Variants in SASS6 observed in about 807,000 individuals in gnomAD.
The protein encoded by SASS6 is spindle assembly abnormal protein 6 homolog.
A neutral mutation model predicts 94.9 loss-of-function variants in SASS6; 59 were observed. That is an observed-to-expected ratio of 0.62 (90% confidence interval 0.50 to 0.77). The LOEUF is 0.77. SASS6 is among the 30% of genes least tolerant of loss of function. SASS6 has a pLI of 0.00. For missense variants in SASS6, 698 were observed against 734.1 expected (o/e 0.95, Z 0.57); for synonymous variants, 264 against 270.0 (o/e 0.98, Z 0.22).
intron 7 of SASS6, among the ~76,000 whole-genome samples, chr1:100,113,985 A>C (rs1399704602): frequency 6.6e-6 from 1 of 151,950 alleles, no homozygotes; most frequent in Non-Finnish European, 1.5e-5. Flanking sequence ...ACATAGCAAC[A>C]CCTCATCTTC....
chr1:100,091,306 A>T (rs917737368), intron 14 of SASS6, among the ~76,000 whole-genome samples: 1 of 152,122 alleles, frequency 6.6e-6, no homozygotes, highest in Non-Finnish European at 1.5e-5. Flanking sequence ...AAAAAAATTG[A>T]ACTGACTTAA....
chr1:100,108,881 T>G (rs912477237), intron 8 of SASS6, among the ~76,000 whole-genome samples: 5 of 152,054 alleles, frequency 3.3e-5, no homozygotes, highest in South Asian at 2.1e-4. Context: ...GCATTTTGGC[T>G]GGCACACAGT....
intron 13 of SASS6, 74 bp from the exon 14 acceptor site, chr1:100,103,157 T>C (rs1652627529): frequency 1.1e-6 from 1 of 909,796 alleles, no homozygotes; most frequent in East Asian, 2.7e-5. Flanking sequence ...CAGGTGGCAT[T>C]AGCATCTGTT....
chr1:100,119,725 C>T (rs1187855763), intron 6 of SASS6, among the ~76,000 whole-genome samples: 2 of 152,120 alleles, frequency 1.3e-5, no homozygotes, highest in African/African-American at 4.8e-5. Context: ...GTGGTACCTC[C>T]TTCCTCCCAC....
intron 14 of SASS6, among the ~76,000 whole-genome samples, chr1:100,095,397 G>A (rs1343124116): frequency 1.3e-5 from 2 of 152,130 alleles, no homozygotes; most frequent in Non-Finnish European, 2.9e-5. Context: ...TGGGGGTATG[G>A]TGGCATGCAC....
At chr1:100,109,375 T>A (rs1353560628) in intron 8 of SASS6, among the ~76,000 whole-genome samples, 1 of 152,056 alleles carries the variant, frequency 6.6e-6, no homozygotes, top group East Asian at 1.9e-4. Flanking sequence ...AATCTACATA[T>A]ATTTTCTAAT....
chr1:100,106,001 T>C (rs1441593600), intron 12 of SASS6, 98 bp from the exon 13 acceptor site: 29 of 851,214 alleles, frequency 3.4e-5, no homozygotes, highest in African/African-American at 5.3e-5. Flanking sequence ...TTTTAAATTA[T>C]AAGTTTTTAC....
Position 100,110,391 on chromosome 1 carries a change from C to G in SASS6, c.762G>C (p.Leu254=), listed in dbSNP as rs755561574. 6 of 1,608,890 alleles carry G rather than the reference C, an allele frequency of 3.7e-6. No homozygotes were observed. Among genetic ancestry groups the G allele is most frequent in the Admixed American group, 1.7e-5 (1 of 59,772 alleles). ...CTTTATTAGCCGCTTCTAACTCAGA[C>G]AGTCTGTTTTGTAGCTGGTGGATGT... ...QQNIHQLQNR[L]SELEAANKDL... The change falls in exon 8 of 17, where the codon CTG becomes CTC. Residue 254 remains leucine, a synonymous_variant. Coordinates refer to ENST00000287482, the MANE Select transcript of SASS6 (RefSeq NM_194292.3).
In SASS6 at chr1:100,124,780, G is replaced by A. The variant is rs186515499; in HGVS notation, c.126+1102C>T. ...GACATTTTTCCAAGAATTAGGGAGT[G>A]AAGGATGGTTTCAGGATGAAACTTC... On this transcript the variant is annotated intron_variant, in intron 2 of 16. Transcript: ENST00000287482. 5.3e-5 allele frequency among the ~76,000 whole-genome samples: 8 copies of A among 152,292 alleles called. No individual in the cohort carries two copies. The East Asian group carries it at 1.5e-3, about 29-fold the overall frequency.
chr1:100,115,324 A>G (rs143559670), intron 7 of SASS6, among the ~76,000 whole-genome samples: 1,551 of 152,284 alleles, frequency 0.01, 17 homozygotes, highest in Non-Finnish European at 0.015. Flanking sequence ...AAAATCTGTA[A>G]AGTCCCTAGC....
intron 14 of SASS6, among the ~76,000 whole-genome samples, chr1:100,098,095 TA>T (rs1652228763): frequency 6.6e-6 from 1 of 152,198 alleles, no homozygotes; most frequent in African/African-American, 2.4e-5. Flanking sequence ...TTATGGTATG[TA>T]AATTCTACCT....
chr1:100,107,000 TATATC>T lies in SASS6; in HGVS notation c.1327-12_1327-8del. 2.5e-6 allele frequency: 3 copies of T among 1,190,306 alleles called. No homozygotes were observed. The highest frequency in any genetic ancestry group is 1.3e-5 in the South Asian group (1 of 79,764). The allele number at this position is 1,190,306 out of a possible 1,614,324, so 73.7% of individuals were successfully genotyped here. On this transcript the variant is annotated splice_region_variant and splice_polypyrimidine_tract_variant and intron_variant, in intron 11 of 16. Transcript: ENST00000287482. The stretch of plus-strand genomic sequence containing the variant: ...GTTCTTGTAATTTGCATACCTGAAA[TATATC>T]AATCATCACAATAAGTCAAGCAAAA...
chr1:100,120,502 C>T, intron 5 of SASS6, 43 bp from the exon 6 acceptor site: 1 of 855,704 alleles, frequency 1.2e-6, no homozygotes, highest in Non-Finnish European at 2.0e-6. Flanking sequence ...ACAATGTAAT[C>T]ATCTATAGCC....
rs550224746 is a variant in SASS6, at chr1:100,096,884, G to T, written c.1674+6071C>A. 2.6e-5 allele frequency among the ~76,000 whole-genome samples: 4 copies of T among 152,314 alleles called. No homozygotes were observed. The East Asian group carries it at 7.7e-4, about 29-fold the overall frequency. On this transcript the variant is annotated intron_variant, in intron 14 of 16. Coordinates refer to ENST00000287482, the MANE Select transcript of SASS6 (RefSeq NM_194292.3). ...TAATCCCAGCACTTTGAGAGGCCGA[G>T]GTAGGGGATCACTTGAAGTCAGGAG... is the stretch of plus-strand genomic sequence containing the variant.
intron 1 of SASS6, among the ~76,000 whole-genome samples, chr1:100,126,743 A>G (rs751938168): frequency 6.6e-6 from 1 of 152,150 alleles, no homozygotes; most frequent in Admixed American, 6.6e-5. Context: ...ACCACTGCAC[A>G]CCAGCCTGGG....
chr1:100,120,964 G>A (rs1199073415), intron 5 of SASS6, among the ~76,000 whole-genome samples: 3 of 149,962 alleles, frequency 2.0e-5, no homozygotes, highest in Non-Finnish European at 4.5e-5. Flanking sequence ...GCAGGAGAAT[G>A]GCGTGAACCC....
intron 7 of SASS6, among the ~76,000 whole-genome samples, chr1:100,118,331 G>C (rs1392238534): frequency 6.6e-6 from 1 of 151,210 alleles, no homozygotes; most frequent in African/African-American, 2.4e-5. Flanking sequence ...AAAAAAAGAA[G>C]AATTAAGAAG....
chr1:100,100,692 G>C (rs1652412527), intron 14 of SASS6, among the ~76,000 whole-genome samples: 1 of 152,132 alleles, frequency 6.6e-6, no homozygotes, highest in Non-Finnish European at 1.5e-5. Context: ...AATCTTGACA[G>C]TAACATTTTA....
rs1651141574 is a variant in SASS6, at chr1:100,085,129, T to C, written c.*199A>G. 4.0e-6 allele frequency: 2 copies of C among 503,296 alleles called. No individual in the cohort carries two copies. Among genetic ancestry groups the C allele is most frequent in the Non-Finnish European group, 7.1e-6 (2 of 281,680 alleles). 31.2% of individuals were successfully genotyped at this position (503,296 alleles called of 1,614,324 possible). A position where few individuals can be genotyped will look rare whatever the true frequency, so the allele number is the denominator to read the frequency against. ...TCACAAACCAAAAAATGTCATTTAC[T>C]CACAATCTTTACCAATCCCCAAGTA... On this transcript the variant is annotated 3_prime_UTR_variant, in exon 17 of 17. Transcript: ENST00000287482.
Sources: gnomAD v4.1 joint callset for allele counts (sites outside exome capture counted in the v4.1 genomes callset) on GRCh38, gnomAD v4.1.1 for gene constraint, MANE v1.5 for transcripts, NCBI Gene and HGNC (gene_info 2026-07-23, HGNC 2026-07-21) for gene names.